CADM1: variants seen among roughly 807,000 people sequenced by gnomAD.
CADM1 encodes the protein cell adhesion molecule 1, also known as TSLC-1.
A neutral mutation model predicts 53.1 loss-of-function variants in CADM1; 15 were observed. The observed-to-expected ratio is 0.28, with a 90% confidence interval of 0.19 to 0.44. The LOEUF (loss-of-function observed/expected upper bound fraction) is 0.44. Ranked by LOEUF, CADM1 falls within the 20% of genes least tolerant of loss-of-function variation. The probability of loss-of-function intolerance (pLI) is 1.00; values close to 1 mark genes in which losing one functional copy is unlikely to be tolerated. For synonymous variants in CADM1, 281 were observed against 243.0 expected (o/e 1.16, Z -1.45); for missense variants, 434 against 611.3 (o/e 0.71, Z 3.06).
At chr11:115,412,236 C>G (rs1947476137) in intron 1 of CADM1, among the ~76,000 whole-genome samples, 1 of 152,084 alleles carries the variant, frequency 6.6e-6, no homozygotes, top group Non-Finnish European at 1.5e-5. Context: ...CTCTGTTGCC[C>G]AGGTTGGAGT....
chr11:115,471,174 T>C (rs10790077), intron 1 of CADM1, among the ~76,000 whole-genome samples: 52,619 of 152,020 alleles, frequency 0.35, 9,163 homozygotes, highest in East Asian at 0.39. Flanking sequence ...CTCCGACCTA[T>C]TAGTGAAATT....
chr11:115,464,005 T>C (rs1948847340), intron 1 of CADM1, among the ~76,000 whole-genome samples: 1 of 152,198 alleles, frequency 6.6e-6, no homozygotes, highest in Non-Finnish European at 1.5e-5. Context: ...GGCCTTTAAG[T>C]CCCTGAGATG....
chr11:115,292,590 AAAT>A (rs1043082962), intron 1 of CADM1, among the ~76,000 whole-genome samples: 5 of 152,220 alleles, frequency 3.3e-5, no homozygotes, highest in Non-Finnish European at 5.9e-5. Flanking sequence ...GTTTCTCCTG[AAAT>A]AATAATAATC....
At chr11:115,340,654 A>ATTTTT (rs1370287141) in intron 1 of CADM1, among the ~76,000 whole-genome samples, 14 of 52,668 alleles carry the variant, frequency 2.7e-4, no homozygotes, top group African/African-American at 6.2e-4. Context: ...ATATATATAT[A>ATTTTT]TATATTTTTT....
intron 1 of CADM1, among the ~76,000 whole-genome samples, chr11:115,402,428 C>CA (rs1947183481): frequency 6.6e-6 from 1 of 152,086 alleles, no homozygotes; most frequent in African/African-American, 2.4e-5. Flanking sequence ...GAGGCTGAGG[C>CA]AGAAGAATAG....
chr11:115,465,401 T>G (rs1948878036), intron 1 of CADM1, among the ~76,000 whole-genome samples: 1 of 152,136 alleles, frequency 6.6e-6, no homozygotes, highest in African/African-American at 2.4e-5. Flanking sequence ...AGGTGTTTAG[T>G]AAACTTACAA....
chr11:115,450,258 G>C (rs1198200679), intron 1 of CADM1, among the ~76,000 whole-genome samples: 1 of 152,128 alleles, frequency 6.6e-6, no homozygotes, highest in African/African-American at 2.4e-5. Flanking sequence ...ATAAAATACT[G>C]GTCCGCACAG....
At chr11:115,263,496 G>C (rs1943037875) in intron 1 of CADM1, among the ~76,000 whole-genome samples, 1 of 152,192 alleles carries the variant, frequency 6.6e-6, no homozygotes, top group Non-Finnish European at 1.5e-5. Context: ...CAGTGTTCAA[G>C]TGGTAACATT....
Position 115,238,661 on chromosome 11 carries a change from C to T in CADM1, c.272-9G>A, listed in dbSNP as rs375624796. 6.2e-7 allele frequency: 1 copy of T among 1,613,582 alleles called. No homozygotes were observed. The highest frequency in any genetic ancestry group is 8.5e-7 in the Non-Finnish European group (1 of 1,179,658). ...CCTGCTGTCCTTCAAAGCTGTGAAA[C>T]AAAACAGAGAGTTAGTGATTGTGAG... On this transcript the variant is annotated splice_polypyrimidine_tract_variant and intron_variant, in intron 2 of 11. Coordinates refer to ENST00000331581, the MANE Select transcript of CADM1 (RefSeq NM_001301043.2).
chr11:115,339,573 C>T (rs1347442200), intron 1 of CADM1, among the ~76,000 whole-genome samples: 3 of 152,082 alleles, frequency 2.0e-5, no homozygotes, highest in Non-Finnish European at 4.4e-5. Flanking sequence ...TTCATAGAGG[C>T]CACCCCTACC....
intron 1 of CADM1, among the ~76,000 whole-genome samples, chr11:115,257,159 A>G (rs1942817202): frequency 6.6e-6 from 1 of 152,074 alleles, no homozygotes; most frequent in South Asian, 2.1e-4. Flanking sequence ...TTCTTTTTAA[A>G]AAAGTTTTTT....
At chr11:115,368,498 T>C (rs534373726) in intron 1 of CADM1, among the ~76,000 whole-genome samples, 42 of 152,288 alleles carry the variant, frequency 2.8e-4, no homozygotes, top group Non-Finnish European at 5.0e-4. Context: ...GTACTGTAAT[T>C]GAAAGATTAG....
chr11:115,419,584 G>A (rs893407036), intron 1 of CADM1, among the ~76,000 whole-genome samples: 1 of 152,100 alleles, frequency 6.6e-6, no homozygotes, highest in African/African-American at 2.4e-5. Context: ...TGAAAGCTCT[G>A]TTTTCAGGTT....
Position 115,476,348 on chromosome 11 carries a change from C to A in CADM1, c.124+27923G>T, listed in dbSNP as rs368560388. On this transcript the variant is annotated intron_variant, in intron 1 of 11. Coordinates refer to ENST00000331581, the MANE Select transcript of CADM1 (RefSeq NM_001301043.2). Reference sequence around the variant, plus strand: ...ATCTAAACTAAAAGATGACCAAGACCAGATAATCCACGATCATTTCCATGT... The same window carrying A: ...ATCTAAACTAAAAGATGACCAAGACAAGATAATCCACGATCATTTCCATGT... 2.6e-5 allele frequency among the ~76,000 whole-genome samples: 4 copies of A among 152,050 alleles called. No homozygotes were observed. In the South Asian group the frequency reaches 8.3e-4, roughly 32 times the overall value.
intron 1 of CADM1, among the ~76,000 whole-genome samples, chr11:115,439,483 T>A (rs947124608): frequency 2.6e-5 from 4 of 152,238 alleles, no homozygotes; most frequent in African/African-American, 4.8e-5. Flanking sequence ...CCAATTTGCA[T>A]AGATGAGTAC....
intron 8 of CADM1, among the ~76,000 whole-genome samples, chr11:115,206,755 C>CTT (rs1194703150): frequency 5.5e-4 from 3 of 5,430 alleles, no homozygotes; most frequent in Non-Finnish European, 1.2e-3. Context: ...TGACTGTGGA[C>CTT]TTCTTTTTTT....
intron 1 of CADM1, among the ~76,000 whole-genome samples, chr11:115,270,596 C>G (rs1431369328): frequency 6.6e-6 from 1 of 151,724 alleles, no homozygotes; most frequent in Non-Finnish European, 1.5e-5. Context: ...TAGCTGATGG[C>G]CCAGCAAAGC....
At chr11:115,458,991 T>C (rs1565438317) in intron 1 of CADM1, among the ~76,000 whole-genome samples, 1 of 152,188 alleles carries the variant, frequency 6.6e-6, no homozygotes, top group Non-Finnish European at 1.5e-5. Flanking sequence ...TCACTCATCA[T>C]GTAAACAAAG....
At chr11:115,433,100 T>G (rs1173806663) in intron 1 of CADM1, among the ~76,000 whole-genome samples, 1 of 152,188 alleles carries the variant, frequency 6.6e-6, no homozygotes, top group Non-Finnish European at 1.5e-5. Flanking sequence ...GTTTGGAGTT[T>G]TGGTGGTGGG....
Sources: gnomAD v4.1 joint callset for allele counts (sites outside exome capture counted in the v4.1 genomes callset) on GRCh38, gnomAD v4.1.1 for gene constraint, MANE v1.5 for transcripts, NCBI Gene and HGNC (gene_info 2026-07-23, HGNC 2026-07-21) for gene names.